Variants in ARHGAP18 observed in about 807,000 individuals in gnomAD.
ARHGAP18 encodes rho GTPase-activating protein 18.
A neutral mutation model predicts 86.2 loss-of-function variants in ARHGAP18; 67 were observed. That is an observed-to-expected ratio of 0.78 (90% CI 0.64 to 0.95). The LOEUF is 0.95. Ranked by LOEUF, ARHGAP18 falls within the 40% of genes least tolerant of loss-of-function variation. The pLI is 0.00. For synonymous variants in ARHGAP18, 283 were observed against 280.4 expected (o/e 1.01, Z -0.09); for missense variants, 691 against 780.4 (o/e 0.89, Z 1.37).
chr6:129,697,366 T>C (rs1232454210), intron 1 of ARHGAP18, among the ~76,000 whole-genome samples: 1 of 152,158 alleles, frequency 6.6e-6, no homozygotes, highest in Non-Finnish European at 1.5e-5. Context: ...AACAGACAAC[T>C]GAAACCACCA....
At chr6:129,628,370 GCA>G (rs927071377) in intron 5 of ARHGAP18, among the ~76,000 whole-genome samples, 1 of 152,194 alleles carries the variant, frequency 6.6e-6, no homozygotes, top group African/African-American at 2.4e-5. Flanking sequence ...CATTTCTTAA[GCA>G]CCAGGTTAGT....
intron 1 of ARHGAP18, among the ~76,000 whole-genome samples, chr6:129,661,309 T>TA (rs11370799): frequency 0.66 from 73,160 of 111,064 alleles, 25,456 homozygotes; most frequent in East Asian, 0.79. Flanking sequence ...GCAAGAATCT[T>TA]AAAAAAAAAA....
At chr6:129,621,272 T>C (rs905737991) in intron 5 of ARHGAP18, among the ~76,000 whole-genome samples, 8 of 152,194 alleles carry the variant, frequency 5.3e-5, no homozygotes, top group Admixed American at 3.9e-4. Context: ...CTATGACTTT[T>C]AGTAAGTGAG....
intron 5 of ARHGAP18, among the ~76,000 whole-genome samples, chr6:129,621,267 AC>A (rs1789222793): frequency 6.6e-6 from 1 of 152,218 alleles, no homozygotes; most frequent in South Asian, 2.1e-4. Context: ...AAAACCTATG[AC>A]TTTTAGTAAG....
Position 129,667,116 on chromosome 6 carries a change from A to C in ARHGAP18, c.114-25098T>G, listed in dbSNP as rs894972749. 2.0e-5 allele frequency among the ~76,000 whole-genome samples: 3 copies of C among 152,252 alleles called. No individual in the cohort carries two copies. In the East Asian group the frequency reaches 5.8e-4, roughly 29 times the overall value. On this transcript the variant is annotated intron_variant, in intron 1 of 14. Transcript: ENST00000368149. Reference sequence around the variant, plus strand: ...TTCATTTTATAAACTCATTTTTTTTAATCTAAAGGGAGTAAAAATATCTTC... The same window carrying C: ...TTCATTTTATAAACTCATTTTTTTTCATCTAAAGGGAGTAAAAATATCTTC...
intron 4 of ARHGAP18, among the ~76,000 whole-genome samples, chr6:129,630,506 A>C (rs2114488685): frequency 6.6e-6 from 1 of 152,352 alleles, no homozygotes; most frequent in African/African-American, 2.4e-5. Context: ...CTCACATACG[A>C]ACACAACAAA....
chr6:129,694,840 C>T (rs1482082873), intron 1 of ARHGAP18, among the ~76,000 whole-genome samples: 1 of 152,136 alleles, frequency 6.6e-6, no homozygotes, highest in Non-Finnish European at 1.5e-5. Flanking sequence ...TGCTGAAAGA[C>T]TTGTGTTCTA....
chr6:129,686,079 T>A (rs146872060), intron 1 of ARHGAP18, among the ~76,000 whole-genome samples: 65 of 152,336 alleles, frequency 4.3e-4, no homozygotes, highest in African/African-American at 1.5e-3. Flanking sequence ...TTTGGGTTTT[T>A]GCAAAAGACC....
intron 7 of ARHGAP18, among the ~76,000 whole-genome samples, chr6:129,612,744 C>T (rs560585075): frequency 6.6e-6 from 1 of 152,296 alleles, no homozygotes; most frequent in Admixed American, 6.5e-5. Flanking sequence ...AGTATGTGGA[C>T]ACTGGAAGAG....
rs10688716 is a variant in ARHGAP18 at position 129,676,915 on chromosome 6, CTTTTTTTTTTTTT to C, written c.113+33096_113+33108del. Among the ~76,000 whole-genome samples the C allele has an allele frequency of 3.8e-3, 143 of 38,000 alleles. 3 individuals are homozygous for C. Among genetic ancestry groups the C allele is most frequent in the East Asian group, 0.023 (28 of 1,224 alleles). The allele number at this position is 38,000 out of a possible 152,430, so 24.9% of individuals were successfully genotyped here. A position where few individuals can be genotyped will look rare whatever the true frequency, so the allele number is the denominator to read the frequency against. On this transcript the variant is annotated intron_variant, in intron 1 of 14. Coordinates refer to ENST00000368149, the MANE Select transcript of ARHGAP18 (RefSeq NM_033515.3). ...AAACAGATGAAAAATTTTTTGTCCTCTTTTTTTTTTTTTTTTTTTTTTTTTTTTTTTTTAAGGA... is the reference window on the plus strand; with the variant it reads ...AAACAGATGAAAAATTTTTTGTCCTCTTTTTTTTTTTTTTTTTTTTAAGGA...
intron 14 of ARHGAP18, among the ~76,000 whole-genome samples, chr6:129,579,265 C>A (rs1788239534): frequency 6.6e-6 from 1 of 151,980 alleles, no homozygotes; most frequent in Admixed American, 6.6e-5. Flanking sequence ...ATTTAAATAA[C>A]CTTTACTAAT....
intron 1 of ARHGAP18, among the ~76,000 whole-genome samples, chr6:129,675,371 G>A (rs145068947): frequency 0.015 from 2,125 of 143,260 alleles, 63 homozygotes; most frequent in African/African-American, 0.052. Context: ...GCAACAGAGC[G>A]AGACTCCATC....
intron 8 of ARHGAP18, among the ~76,000 whole-genome samples, chr6:129,608,457 T>C (rs1562688033): frequency 6.6e-6 from 1 of 152,130 alleles, no homozygotes; most frequent in Non-Finnish European, 1.5e-5. Flanking sequence ...TTTAGAAGTA[T>C]ATTACATAAA....
chr6:129,687,249 G>T (rs185541767), intron 1 of ARHGAP18, among the ~76,000 whole-genome samples: 5 of 152,008 alleles, frequency 3.3e-5, no homozygotes, highest in African/African-American at 1.2e-4. Flanking sequence ...TCTAGTTCAC[G>T]GGTCTCAGAG....
chr6:129,600,951 G>A lies in ARHGAP18; in HGVS notation c.1366-103C>T, dbSNP rs1032712247. The A allele has an allele frequency of 1.1e-5, 11 of 982,756 alleles. No individual in the cohort carries two copies. In the African/African-American group the frequency reaches 1.5e-4, roughly 13 times the overall value. 60.9% of individuals were successfully genotyped at this position (982,756 alleles called of 1,614,324 possible). A position where few individuals can be genotyped will look rare whatever the true frequency, so the allele number is the denominator to read the frequency against. On this transcript the variant is annotated intron_variant, in intron 10 of 14. Coordinates refer to ENST00000368149, the MANE Select transcript of ARHGAP18 (RefSeq NM_033515.3). ...TTATTTCATTGAAAAAACAAGTTGT[G>A]TATAAGCACAGTCAACTAATCACAT...
chr6:129,675,426 G>A (rs1394098832), intron 1 of ARHGAP18, among the ~76,000 whole-genome samples: 20 of 151,278 alleles, frequency 1.3e-4, no homozygotes, highest in Non-Finnish European at 2.4e-4. Flanking sequence ...ATAGGTGGAC[G>A]TTAGTTCAAT....
At chr6:129,665,519 C>T (rs1266352911) in intron 1 of ARHGAP18, among the ~76,000 whole-genome samples, 1 of 152,074 alleles carries the variant, frequency 6.6e-6, no homozygotes, top group Admixed American at 6.6e-5. Context: ...CACTGCCCTC[C>T]AGCCTGGGCA....
intron 1 of ARHGAP18, among the ~76,000 whole-genome samples, chr6:129,703,970 A>AC (rs1774761618): frequency 7.3e-6 from 1 of 137,388 alleles, no homozygotes; most frequent in South Asian, 2.6e-4. Context: ...TTTTTCAACA[A>AC]CAAAAAAATA....
At chr6:129,669,186 T>C (rs1303595783) in intron 1 of ARHGAP18, among the ~76,000 whole-genome samples, 3 of 151,644 alleles carry the variant, frequency 2.0e-5, no homozygotes, top group Non-Finnish European at 4.4e-5. Flanking sequence ...TTTTTTTTTT[T>C]CTTGAGACGG....
Sources: gnomAD v4.1 joint callset for allele counts (sites outside exome capture counted in the v4.1 genomes callset) on GRCh38, gnomAD v4.1.1 for gene constraint, MANE v1.5 for transcripts, NCBI Gene and HGNC (gene_info 2026-07-23, HGNC 2026-07-21) for gene names.